Variants in MYH9 observed in about 807,000 individuals in gnomAD.
MYH9 encodes myosin heavy chain 9, also known as myosin-9.
Under a neutral mutation model 241.9 loss-of-function variants are expected in MYH9, and 29 were observed. The ratio of observed to expected loss-of-function variants is 0.12; its 90% CI spans 0.09 to 0.16. The LOEUF (loss-of-function observed/expected upper bound fraction) is 0.16, where lower values mean the gene tolerates loss of function less well. Among genes scored for constraint, MYH9 ranks in the 10% least tolerant of loss-of-function variants. The pLI is 1.00. For synonymous variants in MYH9, 1,047 were observed against 1,062.6 expected (o/e 0.99, Z 0.29); for missense variants, 1,803 against 2,595.5 (o/e 0.69, Z 6.63).
intron 1 of MYH9, among the ~76,000 whole-genome samples, chr22:36,377,793 C>T (rs2018194208): frequency 6.6e-6 from 1 of 152,118 alleles, no homozygotes; most frequent in South Asian, 2.1e-4. Flanking sequence ...ACCTTGTAGT[C>T]TCAGCTACTC....
chr22:36,347,625 C>T (rs947688796), intron 2 of MYH9, among the ~76,000 whole-genome samples: 4 of 151,592 alleles, frequency 2.6e-5, no homozygotes, highest in African/African-American at 9.7e-5. Flanking sequence ...GTCCCAGCCA[C>T]CAGAGAGGCT....
intron 14 of MYH9, among the ~76,000 whole-genome samples, chr22:36,309,840 G>A (rs1365315001): frequency 6.6e-6 from 1 of 152,152 alleles, no homozygotes; most frequent in Non-Finnish European, 1.5e-5. Flanking sequence ...GTATGTGTCA[G>A]TTTCATCTTT....
chr22:36,301,882 C>T (rs897888674), intron 20 of MYH9, among the ~76,000 whole-genome samples: 3 of 152,052 alleles, frequency 2.0e-5, no homozygotes, highest in African/African-American at 7.3e-5. Flanking sequence ...CCTGCGTGTG[C>T]GTGAAGATGT....
At chr22:36,309,250 A>C in intron 15 of MYH9, 32 bp downstream of exon 15, 1 of 1,573,204 alleles carries the variant, frequency 6.4e-7, no homozygotes, top group Non-Finnish European at 8.7e-7. Context: ...CGCAGCCAAG[A>C]GGAGGCAGGG....
At chr22:36,328,794 A>C (rs1346438223) in intron 3 of MYH9, 1 of 152,236 alleles carries the variant, frequency 6.6e-6, no homozygotes, top group African/African-American at 2.4e-5. Context: ...TGTGAAGGAC[A>C]CACTGAGTGG....
At chr22:36,299,718 C>T (rs577517069) in intron 23 of MYH9, among the ~76,000 whole-genome samples, 3 of 152,310 alleles carry the variant, frequency 2.0e-5, no homozygotes, top group African/African-American at 7.2e-5. Context: ...CGACAGGGAC[C>T]CAACTCATTC....
chr22:36,341,226 G>C lies in MYH9; in HGVS notation c.490+144C>G, dbSNP rs548567739. On this transcript the variant is annotated intron_variant, in intron 3 of 40. Coordinates refer to ENST00000216181, the MANE Select transcript of MYH9 (RefSeq NM_002473.6). ...AGCCACTGGCCCTGGCTTTCATACA[G>C]AGGTCTACAGACCTCCATGATGCAC... The C allele has an allele frequency of 6.2e-6, 6 of 970,318 alleles. No homozygotes were observed. The East Asian group carries it at 1.5e-4, about 25-fold the overall frequency. The allele number at this position is 970,318 out of a possible 1,614,324, so 60.1% of individuals were successfully genotyped here.
intron 3 of MYH9, among the ~76,000 whole-genome samples, chr22:36,331,622 C>T (rs555789482): frequency 1.8e-3 from 267 of 152,316 alleles, no homozygotes; most frequent in East Asian, 3.5e-3. Context: ...TAAAAGGCCA[C>T]GAGGCTCGCA....
intron 9 of MYH9, 172 bp from the exon 10 acceptor site, chr22:36,319,807 C>T (rs933106768): frequency 2.8e-6 from 2 of 706,428 alleles, no homozygotes; most frequent in East Asian, 2.7e-5. Flanking sequence ...GCGGTGGGCC[C>T]AGCCACCCTA....
At chr22:36,360,030 A>ACACCACCAC (rs136207) in intron 1 of MYH9, among the ~76,000 whole-genome samples, 6,152 of 102,144 alleles carry the variant, frequency 0.06, 439 homozygotes, top group African/African-American at 0.11. Context: ...ATGAGGACAA[A>ACACCACCAC]CACCACCACC....
chr22:36,354,555 C>CA, intron 1 of MYH9, among the ~76,000 whole-genome samples: 1 of 151,508 alleles, frequency 6.6e-6, no homozygotes, highest in East Asian at 1.9e-4. Flanking sequence ...AGCGATTCTC[C>CA]GCTGCAGCCT....
In MYH9 at chr22:36,288,427, C is replaced by A. The variant is rs200235677; in HGVS notation, c.4771-14G>T. 6.2e-7 allele frequency: 1 copy of A among 1,606,784 alleles called. No homozygotes were observed. Among genetic ancestry groups the A allele is most frequent in the African/African-American group, 1.3e-5 (1 of 74,938 alleles). On this transcript the variant is annotated splice_polypyrimidine_tract_variant and intron_variant, in intron 33 of 40. Transcript: ENST00000216181. This position sits in a 1 kb window ranked among gnomAD's most constrained non-coding sequence, Gnocchi z 4.8. ...CATCTCCCGCACCTGGGGGAAGGAA[C>A]ATCAACAACTTGGGAAGCTGGACCC...
chr22:36,310,493 C>CT (rs2017044025), intron 14 of MYH9, among the ~76,000 whole-genome samples: 1 of 152,250 alleles, frequency 6.6e-6, no homozygotes. Context: ...CATCAGGGAC[C>CT]TAGGCCTCCC....
At chr22:36,354,406 G>A (rs2017818547) in intron 1 of MYH9, among the ~76,000 whole-genome samples, 1 of 150,024 alleles carries the variant, frequency 6.7e-6, no homozygotes, top group Non-Finnish European at 1.5e-5. Flanking sequence ...CTTTTTTAAG[G>A]ACCACTTATA....
chr22:36,284,328 C>G, intron 39 of MYH9, 63 bp from the exon 40 acceptor site: 1 of 1,604,340 alleles, frequency 6.2e-7, no homozygotes, highest in South Asian at 1.1e-5. Flanking sequence ...AGCCAGTCAG[C>G]CCCACTGCCC....
chr22:36,315,020 A>C (rs1480607696), intron 12 of MYH9, among the ~76,000 whole-genome samples: 3 of 152,028 alleles, frequency 2.0e-5, no homozygotes, highest in Admixed American at 6.6e-5. Context: ...CTGACTTCAA[A>C]TGATTCTCTT....
intron 1 of MYH9, among the ~76,000 whole-genome samples, chr22:36,367,910 T>C (rs986192785): frequency 4.6e-5 from 7 of 152,022 alleles, no homozygotes; most frequent in Non-Finnish European, 1.0e-4. Flanking sequence ...CACACACAGA[T>C]ATGCATGCAC....
In MYH9 at chr22:36,293,628, G is replaced by A; in HGVS notation, c.3942+131C>T. ...ACCTGGAGGGAGCTGGGAGGACGCAGAGACCCACCCACAGGATGAAGCAGA... is the reference window on the plus strand; with the variant it reads ...ACCTGGAGGGAGCTGGGAGGACGCAAAGACCCACCCACAGGATGAAGCAGA... On this transcript the variant is annotated intron_variant, in intron 29 of 40. Transcript: ENST00000216181. The surrounding 1 kb of genome is among the most constrained non-coding windows in gnomAD (Gnocchi z 5.1). 3 of 1,344,396 alleles carry A rather than the reference G, an allele frequency of 2.2e-6. No homozygotes were observed. Among genetic ancestry groups the A allele is most frequent in the Non-Finnish European group, 3.1e-6 (3 of 952,422 alleles). The allele number at this position is 1,344,396 out of a possible 1,614,324, so 83.3% of individuals were successfully genotyped here.
intron 3 of MYH9, among the ~76,000 whole-genome samples, chr22:36,335,325 G>A (rs2017481770): frequency 1.3e-5 from 2 of 152,218 alleles, no homozygotes; most frequent in Admixed American, 6.5e-5. Context: ...GAGAGCCCAC[G>A]CTGCCTCCAC....
Sources: allele counts gnomAD v4.1 joint callset (sites outside exome capture counted in the v4.1 genomes callset), GRCh38; gene constraint gnomAD v4.1.1; non-coding constraint Gnocchi (gnomAD v3.1); transcripts MANE v1.5; gene names NCBI Gene and HGNC (gene_info 2026-07-23, HGNC 2026-07-21).